The following NDUFAF7 variants were observed in gnomAD, a reference collection of about 807,000 sequenced individuals.
NDUFAF7 encodes the protein protein arginine methyltransferase NDUFAF7, mitochondrial.
A neutral mutation model predicts 47.2 loss-of-function variants in NDUFAF7; 48 were observed. That is an observed-to-expected ratio of 1.02 (90% confidence interval 0.81 to 1.29). NDUFAF7 has a LOEUF of 1.29. Among genes scored for constraint, NDUFAF7 ranks in the 50% most tolerant of loss-of-function variants. NDUFAF7 has a pLI of 0.00. For missense variants in NDUFAF7, 635 were observed against 537.6 expected, an observed-to-expected ratio of 1.18 and a Z score of -1.79; for synonymous variants, 217 against 190.0, an observed-to-expected ratio of 1.14 and a Z score of -1.17.
chr2:37,253,420 T>TG (rs1667673371), downstream of NDUFAF7: 3 of 1,374,844 alleles, frequency 2.2e-6, no homozygotes, highest in Admixed American at 2.3e-5. Flanking sequence ...TTTTGTTTTG[T>TG]GTTTTTTTTT....
chr2:37,251,354 G>C (rs529286246), downstream of NDUFAF7: 1 of 152,562 alleles, frequency 6.6e-6, no homozygotes, highest in African/African-American at 2.4e-5. Flanking sequence ...CCATACTACT[G>C]GTCTCAAATA....
At chr2:37,262,406 G>C in the NDUFAF7 span, among the ~76,000 whole-genome samples, 1 of 152,122 alleles carries the variant, frequency 6.6e-6, no homozygotes, top group Non-Finnish European at 1.5e-5. Context: ...ATCATAGTAG[G>C]TGTTTTCAAA....
the NDUFAF7 span, among the ~76,000 whole-genome samples, chr2:37,263,060 TGTTATTCCTTTCTGCTTTCTTTA>T: frequency 6.6e-6 from 1 of 152,164 alleles, no homozygotes; most frequent in South Asian, 2.1e-4. Context: ...ATTTTTGATC[TGTTATTCCTTTCTGCTTTCTTTA>T]GGTTTATTTT....
the NDUFAF7 span, chr2:37,269,472 GA>G: frequency 1.5e-6 from 1 of 676,444 alleles, no homozygotes. Context: ...CAGTGAGAAG[GA>G]TTTAGCTGAA....
At chr2:37,232,401 TG>T in intron 2 of NDUFAF7, 135 bp downstream of exon 2, 2 of 1,159,694 alleles carry the variant, frequency 1.7e-6, no homozygotes, top group Non-Finnish European at 1.3e-6. Context: ...TCTGAGGACC[TG>T]GGGACAGATA....
chr2:37,236,170 T>C lies in NDUFAF7; in HGVS notation c.291T>C (p.Phe97=), dbSNP rs989811557. The C allele has an allele frequency of 1.2e-6, 2 of 1,606,086 alleles. No homozygotes were observed. The highest frequency in any genetic ancestry group is 2.7e-5 in the African/African-American group (2 of 74,738). The change falls in exon 3 of 10, where the codon TTT becomes TTC. Residue 97 remains phenylalanine (F), a synonymous_variant. Coordinates refer to ENST00000002125, the MANE Select transcript of NDUFAF7 (RefSeq NM_144736.5). ...CTTCACCTGAAATAAGTCAAATCTT[T>C]GGGGAGGTAATATACTATGTAAAGT... ...FITSPEISQI[F]GELLGIWFIS...
chr2:37,268,439 T>C, the NDUFAF7 span: 1 of 451,080 alleles, frequency 2.2e-6, no homozygotes, highest in East Asian at 7.0e-5. Flanking sequence ...GCGACTGCTT[T>C]ATGTCACAAT....
downstream of NDUFAF7, among the ~76,000 whole-genome samples, chr2:37,256,199 G>C (rs1667921894): frequency 6.6e-6 from 1 of 152,108 alleles, no homozygotes; most frequent in Non-Finnish European, 1.5e-5. Flanking sequence ...GTTCAGAAGA[G>C]TAAACAACTA....
In NDUFAF7 at chr2:37,243,782, G is replaced by A. The variant is rs1666615931; in HGVS notation, c.682-81G>A. The A allele has an allele frequency of 1.1e-5, 11 of 969,910 alleles. No individual in the cohort carries two copies. The South Asian group carries it at 1.5e-4, about 13-fold the overall frequency. 60.1% of individuals were successfully genotyped at this position (969,910 alleles called of 1,614,324 possible). A position where few individuals can be genotyped will look rare whatever the true frequency, so the allele number is the denominator to read the frequency against. On this transcript the variant is annotated intron_variant, in intron 6 of 9. Coordinates refer to ENST00000002125, the MANE Select transcript of NDUFAF7 (RefSeq NM_144736.5). ...TAAATGTTAGTTACTTATGGTAAGAGGAGAAAAAGCTATTTTTGGTAGAAG... is the reference window on the plus strand; with the variant it reads ...TAAATGTTAGTTACTTATGGTAAGAAGAGAAAAAGCTATTTTTGGTAGAAG...
chr2:37,249,510 G>A (rs1667277831), downstream of NDUFAF7, among the ~76,000 whole-genome samples: 1 of 151,448 alleles, frequency 6.6e-6, no homozygotes, highest in African/African-American at 2.4e-5. Flanking sequence ...CCGGGAGGCG[G>A]AGGTTGCAGT....
At chr2:37,241,879 T>C in intron 5 of NDUFAF7, 88 bp downstream of exon 5, 1 of 1,155,764 alleles carries the variant, frequency 8.7e-7, no homozygotes, top group East Asian at 2.5e-5. Flanking sequence ...AGCAATATAA[T>C]AGATTGAGTT....
downstream of NDUFAF7, among the ~76,000 whole-genome samples, chr2:37,257,639 C>T (rs1443315209): frequency 7.3e-6 from 1 of 136,814 alleles, no homozygotes; most frequent in Non-Finnish European, 1.5e-5. Flanking sequence ...GCAATCCAGC[C>T]TGGGCGACAG....
At position 37,247,506 on chromosome 2, in the gene NDUFAF7, A is replaced by C. The variant is rs1667054616; in HGVS notation, c.987A>C (p.Ala329=). Reference sequence around the variant, plus strand: ...ATGTCTTAATTGCCCCAGGAACAGCAGATCTAACAGCTGATGTGGACTTCA... The same window carrying C: ...ATGTCTTAATTGCCCCAGGAACAGCCGATCTAACAGCTGATGTGGACTTCA... ...LHDVLIAPGT[A]DLTADVDFSY... Residue 329 remains alanine, a synonymous_variant, in exon 9 of 10, where the codon GCA becomes GCC. Transcript: ENST00000002125. The C allele has an allele frequency of 6.2e-7, 1 of 1,613,998 alleles. No homozygotes were observed. Among genetic ancestry groups the C allele is most frequent in the Non-Finnish European group, 8.5e-7 (1 of 1,180,000 alleles).
At chr2:37,234,317 C>G (rs1440039052) in intron 2 of NDUFAF7, among the ~76,000 whole-genome samples, 1 of 152,072 alleles carries the variant, frequency 6.6e-6, no homozygotes, top group Non-Finnish European at 1.5e-5. Flanking sequence ...GTCTTGAACT[C>G]CTGGCCTCAT....
intron 8 of NDUFAF7, 50 bp from the exon 9 acceptor site, chr2:37,247,406 T>C (rs200261793): frequency 6.3e-7 from 1 of 1,592,348 alleles, no homozygotes; most frequent in African/African-American, 1.3e-5. Context: ...AGCATTTCTT[T>C]AATCTTAATA....
intron 8 of NDUFAF7, 149 bp from the exon 9 acceptor site, chr2:37,247,307 G>A (rs1667033029): frequency 1.1e-6 from 1 of 899,760 alleles, no homozygotes. Context: ...GTAAAACACT[G>A]CCTAGGTGTT....
chr2:37,250,847 C>CTTCT (rs1667428182), downstream of NDUFAF7: 1 of 152,576 alleles, frequency 6.6e-6, no homozygotes, highest in Non-Finnish European at 1.5e-5. Context: ...CTAGCAATTA[C>CTTCT]TTCTTTTACA....
Position 37,232,198 on chromosome 2 carries a change from A to G in NDUFAF7, c.148A>G (p.Lys50Glu), listed in dbSNP as rs1189194463. 6.2e-7 allele frequency: 1 copy of G among 1,614,002 alleles called. No homozygotes were observed. The highest frequency in any genetic ancestry group is 8.5e-7 in the Non-Finnish European group (1 of 1,180,046). Residue 50 changes from lysine (K) to glutamate (E), a missense_variant, in exon 2 of 10, where the codon AAA becomes GAA. Lys to Glu is a moderately conservative substitution (Grantham distance 56). Coordinates refer to ENST00000002125, the MANE Select transcript of NDUFAF7 (RefSeq NM_144736.5). ...VTPMLRHLMYKIKSTGPITVA... is the reference protein window; with the variant it reads ...VTPMLRHLMYEIKSTGPITVA... ...GCCGATGCTGCGGCATCTTATGTAC[A>G]AAATAAAGTCTACTGGTCCCATCAC... is the stretch of plus-strand genomic sequence containing the variant.
rs372551841 is a variant in NDUFAF7, at chr2:37,236,110, C to T, written c.231C>T (p.Tyr77=). ...TTTTTACTCAGGGTTATTATGTGTACCGTGACATGCTAGGCGAAAAAGGAG... is the reference window on the plus strand; with the variant it reads ...TTTTTACTCAGGGTTATTATGTGTATCGTGACATGCTAGGCGAAAAAGGAG... The part of the protein sequence containing the change: ...LTNPAKGYYV[Y]RDMLGEKGDF... Residue 77 remains tyrosine, a synonymous_variant, in exon 3 of 10, where the codon TAC becomes TAT. Transcript: ENST00000002125. The T allele has an allele frequency of 1.2e-6, 2 of 1,612,662 alleles. No homozygotes were observed. Among genetic ancestry groups the T allele is most frequent in the African/African-American group, 2.7e-5 (2 of 74,782 alleles).
Sources: gnomAD v4.1 joint callset for allele counts (sites outside exome capture counted in the v4.1 genomes callset) on GRCh38, gnomAD v4.1.1 for gene constraint, MANE v1.5 for transcripts, NCBI Gene and HGNC (gene_info 2026-07-23, HGNC 2026-07-21) for gene names.